The following TSPAN18 variants were observed in gnomAD, a reference collection of about 807,000 sequenced individuals.
The protein encoded by TSPAN18 is tetraspanin-18.
In TSPAN18, 14 loss-of-function variants were observed where a neutral mutation model predicts 27.3. That is an observed-to-expected ratio of 0.51 (90% CI 0.34 to 0.80). The LOEUF is 0.80. Among genes scored for constraint, TSPAN18 ranks in the 30% least tolerant of loss-of-function variants. TSPAN18 has a pLI of 0.01. For missense variants in TSPAN18, 268 were observed against 323.9 expected (o/e 0.83, Z 1.32); for synonymous variants, 143 against 136.5 (o/e 1.05, Z -0.33).
At chr11:44,893,815 C>G (rs1297168177) in intron 3 of TSPAN18, among the ~76,000 whole-genome samples, 1 of 152,156 alleles carries the variant, frequency 6.6e-6, no homozygotes, top group Non-Finnish European at 1.5e-5. Flanking sequence ...TAATATCAGG[C>G]CTTAGTAAAT....
chr11:44,818,520 C>T (rs549214608), intron 2 of TSPAN18, among the ~76,000 whole-genome samples: 26 of 152,292 alleles, frequency 1.7e-4, no homozygotes, highest in Admixed American at 1.7e-3. Flanking sequence ...GGCCCAGCGT[C>T]CTGCATTTGT....
At position 44,908,815 on chromosome 11, in the gene TSPAN18, GAAAGAAAGAAAGAAAA is replaced by G. The variant is rs1163450737; in HGVS notation, c.64-888_64-873del. Reference sequence around the variant, plus strand: ...AGAAAGAAAGAAAGAAAGAAAGAAAGAAAGAAAGAAAGAAAAAGAAAAATGGAGCAGATATTTATTG... The same window carrying G: ...AGAAAGAAAGAAAGAAAGAAAGAAAGAGAAAAATGGAGCAGATATTTATTG... On this transcript the variant is annotated intron_variant, in intron 4 of 9. Coordinates refer to ENST00000520358, the MANE Select transcript of TSPAN18 (RefSeq NM_130783.5). Among the ~76,000 whole-genome samples the G allele has an allele frequency of 1.1e-4, 13 of 115,182 alleles. 3 individuals carry two copies. The highest frequency in any genetic ancestry group is 4.6e-4 in the African/African-American group (13 of 28,344). The allele number at this position is 115,182 out of a possible 152,430, so 75.6% of individuals were successfully genotyped here. A position where few individuals can be genotyped will look rare whatever the true frequency, so the allele number is the denominator to read the frequency against.
At chr11:44,843,971 T>C (rs1857429267) in intron 2 of TSPAN18, among the ~76,000 whole-genome samples, 1 of 152,214 alleles carries the variant, frequency 6.6e-6, no homozygotes, top group East Asian at 1.9e-4. Context: ...TTATACATCC[T>C]TCTCAGCTGA....
At chr11:44,844,600 T>C (rs1857442609) in intron 2 of TSPAN18, among the ~76,000 whole-genome samples, 1 of 152,206 alleles carries the variant, frequency 6.6e-6, no homozygotes, top group African/African-American at 2.4e-5. Context: ...CTGAGCACCT[T>C]TCTATATGCT....
rs1301193506 is a variant in TSPAN18 at position 44,851,382 on chromosome 11, G to T, written c.-152-8946G>T. Reference sequence around the variant, plus strand: ...CTAAGGCCTGTGTACTTTCTTTGTGGTCTGGCCTCTGGCTGAACAGGGGGT... The same window carrying T: ...CTAAGGCCTGTGTACTTTCTTTGTGTTCTGGCCTCTGGCTGAACAGGGGGT... On this transcript the variant is annotated intron_variant, in intron 2 of 9. Transcript: ENST00000520358. Among the ~76,000 whole-genome samples the T allele has an allele frequency of 2.0e-5, 3 of 152,292 alleles. No individual in the cohort carries two copies. In the East Asian group the frequency reaches 5.8e-4, roughly 29 times the overall value.
chr11:44,893,938 G>T (rs2135289765), intron 3 of TSPAN18, among the ~76,000 whole-genome samples: 1 of 152,292 alleles, frequency 6.6e-6, no homozygotes, highest in Non-Finnish European at 1.5e-5. Flanking sequence ...GGCAAGCCCA[G>T]GACACTGGGT....
intron 9 of TSPAN18, among the ~76,000 whole-genome samples, chr11:44,928,187 C>T (rs1044051773): frequency 6.6e-6 from 1 of 152,206 alleles, no homozygotes; most frequent in African/African-American, 2.4e-5. Flanking sequence ...CCTGCCCCAC[C>T]ACCCCAGGCC....
At chr11:44,842,053 G>A (rs1857385271) in intron 2 of TSPAN18, among the ~76,000 whole-genome samples, 1 of 152,232 alleles carries the variant, frequency 6.6e-6, no homozygotes, top group Non-Finnish European at 1.5e-5. Context: ...GAAACAGGTT[G>A]TTAGCGTCAC....
At position 44,926,739 on chromosome 11, in the gene TSPAN18, C is replaced by T. The variant is rs751260262; in HGVS notation, c.681C>T (p.Ile227=). ...TYVYLAGALA[I]GVLAIELFAM... ...TCTACTTGGCCGGAGCCCTTGCCAT[C>T]GGGGTACTGGCCATCGAGGTAAGTA... Residue 227 remains isoleucine, a synonymous_variant, in exon 9 of 10, where the codon ATC becomes ATT. Coordinates refer to ENST00000520358, the MANE Select transcript of TSPAN18 (RefSeq NM_130783.5). The T allele has an allele frequency of 2.0e-5, 32 of 1,614,004 alleles. No individual in the cohort carries two copies. The highest frequency in any genetic ancestry group is 5.3e-5 in the African/African-American group (4 of 74,924).
chr11:44,908,009 C>G (rs844353), intron 4 of TSPAN18, among the ~76,000 whole-genome samples: 8,392 of 149,904 alleles, frequency 0.056, 774 homozygotes, highest in African/African-American at 0.19. Flanking sequence ...GAGCCGAGAT[C>G]GTGCCACTGC....
intron 2 of TSPAN18, among the ~76,000 whole-genome samples, chr11:44,845,780 C>G (rs80316619): frequency 0.017 from 2,603 of 152,328 alleles, 66 homozygotes; most frequent in African/African-American, 0.06. Flanking sequence ...TCTGTGCCGT[C>G]TCCTTGACAC....
At chr11:44,885,638 T>TG (rs1858624792) in intron 3 of TSPAN18, among the ~76,000 whole-genome samples, 2 of 152,262 alleles carry the variant, frequency 1.3e-5, no homozygotes, top group Non-Finnish European at 2.9e-5. Context: ...ATGTTTTTTA[T>TG]GGGGAGGAAA....
intron 1 of TSPAN18, among the ~76,000 whole-genome samples, chr11:44,742,667 G>A (rs1326388026): frequency 6.6e-6 from 1 of 151,424 alleles, no homozygotes; most frequent in African/African-American, 2.4e-5. Flanking sequence ...TCAGAGGCCA[G>A]TTGAGGACAC....
intron 1 of TSPAN18, among the ~76,000 whole-genome samples, chr11:44,729,060 C>T (rs1256596131): frequency 1.3e-5 from 2 of 152,210 alleles, no homozygotes; most frequent in Non-Finnish European, 2.9e-5. Flanking sequence ...GATGAGGTTC[C>T]TCTGTTCAAT....
intron 3 of TSPAN18, among the ~76,000 whole-genome samples, chr11:44,869,981 T>C (rs922459885): frequency 1.5e-5 from 2 of 133,426 alleles, no homozygotes; most frequent in Non-Finnish European, 3.2e-5. Context: ...ACCTCAGGCC[T>C]CAGCCCGCAG....
At chr11:44,919,174 A>C in intron 6 of TSPAN18, 40 bp from the exon 7 acceptor site, 1 of 1,551,594 alleles carries the variant, frequency 6.4e-7, no homozygotes, top group Non-Finnish European at 8.9e-7. Flanking sequence ...GGCTGCACCC[A>C]ACTGCCAGGC....
chr11:44,825,659 C>T (rs1287555526), intron 2 of TSPAN18, among the ~76,000 whole-genome samples: 1 of 152,196 alleles, frequency 6.6e-6, no homozygotes, highest in Non-Finnish European at 1.5e-5. Flanking sequence ...TATCTCCTTA[C>T]AGGTTTCAGG....
intron 3 of TSPAN18, chr11:44,903,397 G>C (rs1859335931): frequency 4.6e-6 from 2 of 435,940 alleles, no homozygotes; most frequent in Non-Finnish European, 4.6e-6. Context: ...AGGAAAGTCA[G>C]GGCAGGAATA....
intron 2 of TSPAN18, among the ~76,000 whole-genome samples, chr11:44,821,468 A>T (rs1339692217): frequency 6.6e-6 from 1 of 152,184 alleles, no homozygotes; most frequent in Admixed American, 6.5e-5. Flanking sequence ...GTTTCTTTGT[A>T]CCCATATTGG....
Sources: gnomAD v4.1 joint callset for allele counts (sites outside exome capture counted in the v4.1 genomes callset) on GRCh38, gnomAD v4.1.1 for gene constraint, MANE v1.5 for transcripts, NCBI Gene and HGNC (gene_info 2026-07-23, HGNC 2026-07-21) for gene names.